Variants in EIF2AK4 observed in about 807,000 individuals in gnomAD.
EIF2AK4 encodes the protein eIF-2-alpha kinase GCN2.
In EIF2AK4, 139 loss-of-function variants were observed where a neutral mutation model predicts 211.1. That is an observed-to-expected ratio of 0.66 (90% CI 0.57 to 0.76). The LOEUF is 0.76. EIF2AK4 is among the 30% of genes least tolerant of loss of function. EIF2AK4 has a pLI of 0.00. For synonymous variants in EIF2AK4, 710 were observed against 751.3 expected (o/e 0.94, Z 0.90); for missense variants, 1,664 against 2,043.8 (o/e 0.81, Z 3.58).
chr15:39,978,311 A>T (rs1402347947), intron 13 of EIF2AK4, 164 bp downstream of exon 13: 1 of 384,708 alleles, frequency 2.6e-6, no homozygotes, highest in South Asian at 8.6e-5. Flanking sequence ...ACCTGTGTTT[A>T]TTTATAGACC....
chr15:39,961,487 T>G (rs1010617502), intron 6 of EIF2AK4, among the ~76,000 whole-genome samples: 1 of 152,218 alleles, frequency 6.6e-6, no homozygotes, highest in Non-Finnish European at 1.5e-5. Flanking sequence ...AATTTTCAGT[T>G]TTATTTTAAT....
In EIF2AK4 at chr15:39,973,028, C is replaced by G; in HGVS notation, c.1660+14C>G. On this transcript the variant is annotated intron_variant, in intron 10 of 38. Coordinates refer to ENST00000263791, the MANE Select transcript of EIF2AK4 (RefSeq NM_001013703.4). ...AAAGTCCTGAAGGTGAGTCTGTTACCTTTCTTTATTTGGTAACCTGTTTGA... is the reference window on the plus strand; with the variant it reads ...AAAGTCCTGAAGGTGAGTCTGTTACGTTTCTTTATTTGGTAACCTGTTTGA... The G allele has an allele frequency of 6.2e-7, 1 of 1,603,152 alleles. No individual in the cohort carries two copies. The highest frequency in any genetic ancestry group is 8.5e-7 in the Non-Finnish European group (1 of 1,170,172).
chr15:40,020,300 A>G (rs2035365870), intron 30 of EIF2AK4, among the ~76,000 whole-genome samples: 1 of 151,430 alleles, frequency 6.6e-6, no homozygotes, highest in Non-Finnish European at 1.5e-5. Context: ...CAGATGGCTC[A>G]GGGTAGTTGA....
chr15:39,999,019 C>T (rs1008229977), intron 20 of EIF2AK4, among the ~76,000 whole-genome samples: 2 of 151,102 alleles, frequency 1.3e-5, no homozygotes, highest in Admixed American at 6.6e-5. Context: ...TTGTGCAATT[C>T]GTTGTGCTTT....
chr15:40,032,684 T>C (rs1308057906), intron 36 of EIF2AK4, 73 bp from the exon 37 acceptor site: 2 of 1,422,194 alleles, frequency 1.4e-6, no homozygotes, highest in Non-Finnish European at 2.0e-6. Flanking sequence ...TACTGCTGCA[T>C]TTCACGTGAC....
intron 29 of EIF2AK4, among the ~76,000 whole-genome samples, chr15:40,018,518 G>C (rs2140944095): frequency 6.6e-6 from 1 of 151,898 alleles, no homozygotes; most frequent in South Asian, 2.1e-4. Context: ...GAGGTTATGG[G>C]ACATTTTTGT....
chr15:40,013,746 C>CT (rs1396012896), intron 27 of EIF2AK4, among the ~76,000 whole-genome samples: 1 of 152,158 alleles, frequency 6.6e-6, no homozygotes, highest in Admixed American at 6.5e-5. Context: ...AGCTACAGTT[C>CT]AAGATGAAAT....
chr15:40,000,887 G>A, intron 20 of EIF2AK4, 101 bp from the exon 21 acceptor site: 2 of 1,129,078 alleles, frequency 1.8e-6, no homozygotes, highest in African/African-American at 1.5e-5. Context: ...CAAGAATAGT[G>A]GCACCTTTTC....
intron 37 of EIF2AK4, among the ~76,000 whole-genome samples, chr15:40,033,790 G>A (rs2035575396): frequency 6.6e-6 from 1 of 152,194 alleles, no homozygotes; most frequent in African/African-American, 2.4e-5. Flanking sequence ...ACTTTGGGAG[G>A]CCGACGTGGG....
chr15:40,008,178 G>C lies in EIF2AK4; in HGVS notation c.3559G>C (p.Glu1187Gln). 1 of 1,604,080 alleles carries C rather than the reference G, an allele frequency of 6.2e-7. No individual in the cohort carries two copies. The highest frequency in any genetic ancestry group is 2.2e-5 in the East Asian group (1 of 44,552). Residue 1187 changes from glutamate to glutamine, a missense_variant, in exon 25 of 39, where the codon GAG (glutamate) becomes CAG (glutamine). Coordinates refer to ENST00000263791, the MANE Select transcript of EIF2AK4 (RefSeq NM_001013703.4). ...CTACACTATCTATGAAATCATCCAA[G>C]AGTTTCCAGCACTTCAGGTTCCTTT... Reference protein sequence around the residue: ...IIYTIYEIIQEFPALQERNYS... With the variant: ...IIYTIYEIIQQFPALQERNYS...
intron 35 of EIF2AK4, 74 bp from the exon 36 acceptor site, chr15:40,032,095 T>C (rs2035551808): frequency 1.6e-6 from 2 of 1,238,860 alleles, no homozygotes; most frequent in Admixed American, 3.4e-5. Context: ...GATTGTATCC[T>C]GGGATAGGAA....
At chr15:40,027,900 A>AC (rs2035486293) in intron 33 of EIF2AK4, among the ~76,000 whole-genome samples, 1 of 151,686 alleles carries the variant, frequency 6.6e-6, no homozygotes, top group South Asian at 2.1e-4. Flanking sequence ...AAAAAAAAAA[A>AC]CAAAAAGAAC....
chr15:40,030,577 A>G (rs2035528287), intron 35 of EIF2AK4, 121 bp downstream of exon 35: 2 of 1,124,826 alleles, frequency 1.8e-6, no homozygotes, highest in East Asian at 5.3e-5. Flanking sequence ...CAAGAAAAAA[A>G]TTTTTCTTCC....
chr15:40,034,309 A>G lies in EIF2AK4; in HGVS notation c.4774-17A>G, dbSNP rs940760447. 3.1e-6 allele frequency: 5 copies of G among 1,606,686 alleles called. No homozygotes were observed. Among genetic ancestry groups the G allele is most frequent in the Non-Finnish European group, 4.3e-6 (5 of 1,174,044 alleles). On this transcript the variant is annotated splice_polypyrimidine_tract_variant and intron_variant, in intron 37 of 38. Transcript: ENST00000263791. ...CCCTAGAGACCTGTTGTTAAGTCTTATCTATTTTTTTCCTAGTGGGATGCT... is the reference window on the plus strand; with the variant it reads ...CCCTAGAGACCTGTTGTTAAGTCTTGTCTATTTTTTTCCTAGTGGGATGCT...
intron 13 of EIF2AK4, among the ~76,000 whole-genome samples, chr15:39,982,243 A>G (rs1342113643): frequency 6.6e-6 from 1 of 152,122 alleles, no homozygotes; most frequent in African/African-American, 2.4e-5. Context: ...AAATTGTTTT[A>G]CCTAAAGGTG....
At position 40,019,333 on chromosome 15, in the gene EIF2AK4, T is replaced by C. The variant is rs562037865; in HGVS notation, c.4173+133T>C. 20 of 621,742 alleles carry C rather than the reference T, an allele frequency of 3.2e-5. No homozygotes were observed. The South Asian group carries it at 4.6e-4, about 14-fold the overall frequency. 38.5% of individuals were successfully genotyped at this position (621,742 alleles called of 1,614,324 possible). A position where few individuals can be genotyped will look rare whatever the true frequency, so the allele number is the denominator to read the frequency against. On this transcript the variant is annotated intron_variant, in intron 30 of 38. Coordinates refer to ENST00000263791, the MANE Select transcript of EIF2AK4 (RefSeq NM_001013703.4). ...AGACGTAGGGTTTTGAAACTTACCT[T>C]TAATATGATAGACAAGCCTAAGACT...
intron 18 of EIF2AK4, among the ~76,000 whole-genome samples, chr15:39,995,105 G>A (rs1237564268): frequency 6.6e-6 from 1 of 152,138 alleles, no homozygotes; most frequent in Non-Finnish European, 1.5e-5. Flanking sequence ...GCCTCCCAAA[G>A]TGCTGGGATT....
intron 3 of EIF2AK4, chr15:39,946,634 G>C (rs146260048): frequency 1.4e-6 from 1 of 700,848 alleles, no homozygotes; most frequent in Admixed American, 2.0e-5. Flanking sequence ...AGAAGTTCAA[G>C]TGTGACTCAA....
intron 28 of EIF2AK4, among the ~76,000 whole-genome samples, 200 bp from the exon 29 acceptor site, chr15:40,016,908 G>T (rs1158523668): frequency 6.6e-6 from 1 of 152,154 alleles, no homozygotes. Context: ...TCAGAGAGGT[G>T]GTTATTCTTA....
Sources: gnomAD v4.1 joint callset for allele counts (sites outside exome capture counted in the v4.1 genomes callset) on GRCh38, gnomAD v4.1.1 for gene constraint, MANE v1.5 for transcripts, NCBI Gene and HGNC (gene_info 2026-07-23, HGNC 2026-07-21) for gene names.